Variants in SPIDR observed in about 807,000 individuals in gnomAD.
The protein encoded by SPIDR is scaffold protein involved in DNA repair.
A neutral mutation model predicts 104.6 loss-of-function variants in SPIDR; 93 were observed. The ratio of observed to expected loss-of-function variants is 0.89; its 90% confidence interval spans 0.75 to 1.06. The LOEUF (loss-of-function observed/expected upper bound fraction) is 1.06, where lower values mean the gene tolerates loss of function less well. Among genes scored for constraint, SPIDR ranks in the 50% least tolerant of loss-of-function variants. SPIDR has a pLI of 0.00. For missense variants in SPIDR, 1,154 were observed against 1,111.2 expected (o/e 1.04, Z -0.55); for synonymous variants, 431 against 416.9 (o/e 1.03, Z -0.41).
At chr8:47,401,382 C>T (rs1214255182) in intron 6 of SPIDR, among the ~76,000 whole-genome samples, 1 of 152,130 alleles carries the variant, frequency 6.6e-6, no homozygotes, top group Non-Finnish European at 1.5e-5. Context: ...AAAAACATGC[C>T]AAATTGTAAA....
intron 16 of SPIDR, 113 bp downstream of exon 16, chr8:47,713,754 C>G: frequency 1.5e-6 from 2 of 1,348,602 alleles, no homozygotes; most frequent in Non-Finnish European, 2.0e-6. Context: ...AAGTTCCAGA[C>G]ACTGGATACA....
At chr8:47,698,044 A>G (rs2079607698) in intron 11 of SPIDR, 1 of 152,214 alleles carries the variant, frequency 6.6e-6, no homozygotes, top group African/African-American at 2.4e-5. Flanking sequence ...TCTATAAATT[A>G]AGGTATACCC....
At chr8:47,643,943 T>C (rs2069701624) in intron 10 of SPIDR, among the ~76,000 whole-genome samples, 1 of 152,232 alleles carries the variant, frequency 6.6e-6, no homozygotes, top group South Asian at 2.1e-4. Context: ...GTCATTCATA[T>C]AGTTAGTGAC....
chr8:47,280,211 CTTTTTATTTTTTATTTTT>C (rs1221518043), intron 2 of SPIDR, among the ~76,000 whole-genome samples, 194 bp downstream of exon 2: 2 of 150,884 alleles, frequency 1.3e-5, no homozygotes, highest in Non-Finnish European at 2.9e-5. Flanking sequence ...TAGTATTCAC[CTTTTTATTTTTTATTTTT>C]TTTTTATTTT....
intron 11 of SPIDR, among the ~76,000 whole-genome samples, chr8:47,686,964 T>C (rs1206137348): frequency 1.3e-5 from 2 of 152,118 alleles, no homozygotes; most frequent in Non-Finnish European, 2.9e-5. Context: ...AAAGTTTACT[T>C]AGATACTTAT....
intron 8 of SPIDR, among the ~76,000 whole-genome samples, chr8:47,542,149 C>G (rs1542721): frequency 6.6e-6 from 1 of 151,242 alleles, no homozygotes. Context: ...CTGTAAGCAA[C>G]GTCGTCTTAA....
chr8:47,343,704 A>C lies in SPIDR; in HGVS notation c.525+49674A>C, dbSNP rs80124392. Reference sequence around the variant, plus strand: ...CTGATGGGCTAAAGTGTGGAAGGACATCCTGTTTCGGGCAGGGATTTAAAC... The same window carrying C: ...CTGATGGGCTAAAGTGTGGAAGGACCTCCTGTTTCGGGCAGGGATTTAAAC... On this transcript the variant is annotated intron_variant, in intron 5 of 19. Coordinates refer to ENST00000297423, the MANE Select transcript of SPIDR (RefSeq NM_001080394.4). Among the ~76,000 whole-genome samples the C allele has an allele frequency of 5.7e-3, 874 of 152,290 alleles. 24 individuals are homozygous for C. The East Asian group carries it at 0.089, about 15-fold the overall frequency.
intron 8 of SPIDR, among the ~76,000 whole-genome samples, chr8:47,444,715 A>G (rs1365743820): frequency 6.6e-6 from 1 of 152,210 alleles, no homozygotes. Flanking sequence ...ATAGAATACC[A>G]GTGGGTTTTG....
At chr8:47,343,965 T>C (rs1554615715) in intron 5 of SPIDR, among the ~76,000 whole-genome samples, 4 of 145,754 alleles carry the variant, frequency 2.7e-5, no homozygotes, top group Non-Finnish European at 6.1e-5. Context: ...TGGCTTTTTC[T>C]TTTTTTTTTT....
intron 10 of SPIDR, among the ~76,000 whole-genome samples, chr8:47,658,673 G>A (rs1330799209): frequency 6.6e-6 from 1 of 151,234 alleles, no homozygotes; most frequent in South Asian, 2.1e-4. Flanking sequence ...GGTGGCTCAC[G>A]CCTGTAATCC....
At chr8:47,427,829 T>C (rs1332148050) in intron 7 of SPIDR, among the ~76,000 whole-genome samples, 2 of 152,164 alleles carry the variant, frequency 1.3e-5, no homozygotes, top group African/African-American at 2.4e-5. Flanking sequence ...CCTCTGAGGC[T>C]GGGGGCCCCT....
chr8:47,423,251 T>G (rs782626125), intron 7 of SPIDR, among the ~76,000 whole-genome samples: 21 of 149,420 alleles, frequency 1.4e-4, no homozygotes, highest in Non-Finnish European at 2.1e-4. Context: ...GAGCCGAGAT[T>G]ACGCCACCAC....
intron 8 of SPIDR, among the ~76,000 whole-genome samples, chr8:47,513,850 ATG>A (rs1361366575): frequency 5.3e-5 from 8 of 152,154 alleles, no homozygotes; most frequent in African/African-American, 1.7e-4. Context: ...GTGTGTCTAA[ATG>A]TGTGTTTTCC....
chr8:47,620,705 C>T (rs979762137), intron 10 of SPIDR, among the ~76,000 whole-genome samples: 1 of 151,702 alleles, frequency 6.6e-6, no homozygotes, highest in African/African-American at 2.4e-5. Flanking sequence ...GCAATCTCCA[C>T]CTCCCGGGTT....
intron 5 of SPIDR, among the ~76,000 whole-genome samples, chr8:47,364,291 C>T (rs1419212987): frequency 1.3e-5 from 2 of 152,164 alleles, no homozygotes; most frequent in African/African-American, 4.8e-5. Context: ...GTCGATGTTC[C>T]TTTGGTCCCT....
chr8:47,656,172 C>T (rs1395518661), intron 10 of SPIDR, among the ~76,000 whole-genome samples: 2 of 152,032 alleles, frequency 1.3e-5, no homozygotes, highest in East Asian at 3.9e-4. Context: ...AGATGTGACA[C>T]CAAAATCATA....
intron 8 of SPIDR, among the ~76,000 whole-genome samples, chr8:47,525,844 C>T (rs978829831): frequency 6.6e-6 from 1 of 151,818 alleles, no homozygotes; most frequent in South Asian, 2.1e-4. Context: ...GCTGTGCCTA[C>T]TGAGTTGTCC....
chr8:47,610,045 A>G (rs1449997184), intron 10 of SPIDR, among the ~76,000 whole-genome samples: 2 of 152,208 alleles, frequency 1.3e-5, no homozygotes, highest in African/African-American at 2.4e-5. Flanking sequence ...TAACCTGGCC[A>G]TGGTGATTTT....
At chr8:47,545,071 T>TTTTCTTTCTTTCTTTCTTTC (rs566816481) in intron 8 of SPIDR, among the ~76,000 whole-genome samples, 4 of 124,776 alleles carry the variant, frequency 3.2e-5, no homozygotes, top group South Asian at 2.7e-4. Context: ...TCTTTTTATC[T>TTTTCTTTCTTTCTTTCTTTC]TTTCTTTCTT....
Sources: allele counts gnomAD v4.1 joint callset (sites outside exome capture counted in the v4.1 genomes callset), GRCh38; gene constraint gnomAD v4.1.1; transcripts MANE v1.5; gene names NCBI Gene and HGNC (gene_info 2026-07-23, HGNC 2026-07-21).